Variants in MTF1 observed in about 807,000 individuals in gnomAD.
MTF1 encodes the protein metal regulatory transcription factor 1.
A neutral mutation model predicts 70.4 loss-of-function variants in MTF1; 22 were observed. That is an observed-to-expected ratio of 0.31 (90% CI 0.22 to 0.45). The LOEUF (loss-of-function observed/expected upper bound fraction) is 0.45. Ranked by LOEUF, MTF1 falls within the 20% of genes least tolerant of loss-of-function variation. MTF1 has a pLI of 1.00. For missense variants in MTF1, 649 were observed against 922.0 expected (o/e 0.70, Z 3.83); for synonymous variants, 333 against 352.8 (o/e 0.94, Z 0.63).
Position 37,822,220 on chromosome 1 carries a change from G to C in MTF1, c.1668C>G (p.Pro556=), listed in dbSNP as rs1265833160. The change falls in exon 9 of 11, where the codon CCC becomes CCG. Residue 556 remains proline, a synonymous_variant. Coordinates refer to ENST00000373036, the MANE Select transcript of MTF1 (RefSeq NM_005955.3). The stretch of plus-strand genomic sequence containing the variant: ...GGCTGGACTGCAGGATAGCTGTGTT[G>C]GGAGTTGGGGTGATGGTTATTGTGG... The part of the protein sequence containing the change: ...NNPTITITPT[P]NTAILQSSLV... The C allele has an allele frequency of 6.2e-7, 1 of 1,614,172 alleles. No individual in the cohort carries two copies. The highest frequency in any genetic ancestry group is 8.5e-7 in the Non-Finnish European group (1 of 1,180,034).
intron 4 of MTF1, among the ~76,000 whole-genome samples, chr1:37,836,162 A>G (rs1270743862): frequency 6.6e-6 from 1 of 152,122 alleles, no homozygotes; most frequent in African/African-American, 2.4e-5. Flanking sequence ...CAGATCAATG[A>G]CACTGGTTTT....
At chr1:37,856,982 C>G (rs191207629) in intron 2 of MTF1, among the ~76,000 whole-genome samples, 39 of 152,302 alleles carry the variant, frequency 2.6e-4, no homozygotes, top group African/African-American at 9.1e-4. Flanking sequence ...AAACATGGGT[C>G]TACTTAAGTG....
intron 2 of MTF1, among the ~76,000 whole-genome samples, chr1:37,847,834 A>G (rs1641356925): frequency 6.6e-6 from 1 of 152,008 alleles, no homozygotes; most frequent in Admixed American, 6.6e-5. Context: ...CGACTCTCCA[A>G]AAAAATAAGA....
rs577057280 is a variant in MTF1 at position 37,857,094 on chromosome 1, C to T, written c.408+157G>A. Among the ~76,000 whole-genome samples the T allele has an allele frequency of 2.6e-5, 4 of 152,330 alleles. No homozygotes were observed. In the South Asian group the frequency reaches 8.3e-4, roughly 32 times the overall value. The stretch of plus-strand genomic sequence containing the variant: ...CTATACAAACCAAAAGTTCCAGAAG[C>T]AATCACAACAAAACCTGAGGCATAT... On this transcript the variant is annotated intron_variant, in intron 2 of 10. Transcript: ENST00000373036.
rs932256457 is a variant in MTF1 at position 37,809,635 on chromosome 1, A to T, written c.*5501T>A. The stretch of plus-strand genomic sequence containing the variant: ...TAATATTGCTTTTTCAATTCCAAAA[A>T]GTTAAATTTTCACTTTTTAGCAGAT... On this transcript the variant is annotated 3_prime_UTR_variant, in exon 11 of 11. Coordinates refer to ENST00000373036, the MANE Select transcript of MTF1 (RefSeq NM_005955.3). The T allele has an allele frequency of 6.5e-6, 1 of 153,328 alleles. No individual in the cohort carries two copies. Among genetic ancestry groups the T allele is most frequent in the Non-Finnish European group, 1.5e-5 (1 of 68,472 alleles). The allele number at this position is 153,328 out of a possible 1,614,324, so 9.5% of individuals were successfully genotyped here.
intron 2 of MTF1, among the ~76,000 whole-genome samples, chr1:37,850,925 A>C (rs1367454178): frequency 6.6e-6 from 1 of 152,054 alleles, no homozygotes; most frequent in Non-Finnish European, 1.5e-5. Flanking sequence ...ACACCTGTGC[A>C]TGGAGGGAAA....
intron 7 of MTF1, among the ~76,000 whole-genome samples, chr1:37,831,793 AT>A (rs1415377777): frequency 1.3e-5 from 2 of 152,192 alleles, no homozygotes; most frequent in African/African-American, 4.8e-5. Flanking sequence ...CAGAAAAAAA[AT>A]AAATAAATAA....
chr1:37,816,777 G>A (rs565517517), intron 10 of MTF1, among the ~76,000 whole-genome samples: 32 of 152,226 alleles, frequency 2.1e-4, no homozygotes, highest in Admixed American at 5.2e-4. Context: ...CAAGAGGATT[G>A]CCTGAACTCA....
At chr1:37,826,069 T>C (rs928969032) in intron 7 of MTF1, among the ~76,000 whole-genome samples, 11 of 152,200 alleles carry the variant, frequency 7.2e-5, no homozygotes, top group African/African-American at 2.4e-4. Context: ...TTAAACACAC[T>C]GTATATACCA....
intron 7 of MTF1, among the ~76,000 whole-genome samples, chr1:37,827,501 G>A (rs1641020876): frequency 6.6e-6 from 1 of 152,026 alleles, no homozygotes; most frequent in African/African-American, 2.4e-5. Context: ...GGGACTACAG[G>A]CGCCTGCCAT....
In MTF1 at chr1:37,833,063, G is replaced by C. The variant is rs118030979; in HGVS notation, c.991-741C>G. On this transcript the variant is annotated intron_variant, in intron 6 of 10. Coordinates refer to ENST00000373036, the MANE Select transcript of MTF1 (RefSeq NM_005955.3). Reference sequence around the variant, plus strand: ...GTTTTAACATTATCTTATGACTAAGGCTCCAAAGTAACAAACCTATAATAA... The same window carrying C: ...GTTTTAACATTATCTTATGACTAAGCCTCCAAAGTAACAAACCTATAATAA... Among the ~76,000 whole-genome samples the C allele has an allele frequency of 2.0e-5, 3 of 151,700 alleles. No homozygotes were observed. The East Asian group carries it at 5.8e-4, about 29-fold the overall frequency.
chr1:37,840,027 G>A lies in MTF1; in HGVS notation c.540C>T (p.Ala180=), dbSNP rs1641232361. The A allele has an allele frequency of 2.5e-6, 4 of 1,614,224 alleles. No homozygotes were observed. The highest frequency in any genetic ancestry group is 2.2e-5 in the South Asian group (2 of 91,092). The change falls in exon 3 of 11, where the codon GCC becomes GCT. Residue 180 remains alanine, a synonymous_variant. Coordinates refer to ENST00000373036, the MANE Select transcript of MTF1 (RefSeq NM_005955.3). The surrounding 1 kb of genome is among the most constrained non-coding windows in gnomAD (Gnocchi z 4.5). ...TCCTGAGGCTGTAAGAGGTAAGGAA[G>A]GCTTTGCCACAGCCCTCCTGATTAC... ...FVCNQEGCGK[A]FLTSYSLRIH...
chr1:37,817,700 T>A (rs561522187), intron 9 of MTF1, among the ~76,000 whole-genome samples: 1 of 152,322 alleles, frequency 6.6e-6, no homozygotes, highest in African/African-American at 2.4e-5. Context: ...TGTACGCCAC[T>A]AGTTGGCTGG....
At chr1:37,817,593 G>A in intron 9 of MTF1, 111 bp from the exon 10 acceptor site, 1 of 773,220 alleles carries the variant, frequency 1.3e-6, no homozygotes, top group Non-Finnish European at 2.2e-6. Context: ...AAAACCCTTA[G>A]TGTTCAGGGA....
chr1:37,820,147 T>C (rs1226709229), intron 9 of MTF1, among the ~76,000 whole-genome samples: 1 of 152,108 alleles, frequency 6.6e-6, no homozygotes, highest in Non-Finnish European at 1.5e-5. Context: ...GAAATGGACA[T>C]AGGCTCTCTA....
chr1:37,824,643 A>C (rs2148403955), intron 7 of MTF1, among the ~76,000 whole-genome samples: 1 of 152,340 alleles, frequency 6.6e-6, no homozygotes, highest in Middle Eastern at 3.4e-3. Context: ...GGTTGCAGTG[A>C]GCCAAGATCG....
rs1383076313 is a variant in MTF1 at position 37,835,229 on chromosome 1, A to G, written c.854-14T>C. On this transcript the variant is annotated splice_polypyrimidine_tract_variant and intron_variant, in intron 5 of 10. Coordinates refer to ENST00000373036, the MANE Select transcript of MTF1 (RefSeq NM_005955.3). ...AGGGTCTTTCACCTGCAAGAATAAC[A>G]AAGTAGTGTTAATTTACCATAAAGT... The G allele has an allele frequency of 1.2e-6, 2 of 1,610,956 alleles. No individual in the cohort carries two copies. The highest frequency in any genetic ancestry group is 1.7e-6 in the Non-Finnish European group (2 of 1,177,346).
At chr1:37,857,187 A>G (rs1641510576) in intron 2 of MTF1, 64 bp downstream of exon 2, 9 of 1,529,456 alleles carry the variant, frequency 5.9e-6, no homozygotes, top group Non-Finnish European at 8.0e-6. Flanking sequence ...TAAAATTTGC[A>G]CCAAGAATTT....
At chr1:37,828,877 A>G (rs1641044055) in intron 7 of MTF1, among the ~76,000 whole-genome samples, 3 of 152,188 alleles carry the variant, frequency 2.0e-5, no homozygotes, top group African/African-American at 7.2e-5. Flanking sequence ...AGCAAAGAGC[A>G]AAGGGCAAAG....
Sources: allele counts gnomAD v4.1 joint callset (sites outside exome capture counted in the v4.1 genomes callset), GRCh38; gene constraint gnomAD v4.1.1; non-coding constraint Gnocchi (gnomAD v3.1); transcripts MANE v1.5; gene names NCBI Gene and HGNC (gene_info 2026-07-23, HGNC 2026-07-21).